Variants in GALM observed in about 807,000 individuals in gnomAD.
GALM encodes the protein aldose 1-epimerase.
GALM carries 43 observed loss-of-function variants against 37.4 expected under a neutral mutation model. That is an observed-to-expected ratio of 1.15 (90% CI 0.90 to 1.48). The LOEUF is 1.48. GALM is among the 40% of genes most tolerant of loss of function. The pLI is 0.00. For synonymous variants in GALM, 199 were observed against 170.6 expected (o/e 1.17, Z -1.30); for missense variants, 456 against 419.1 (o/e 1.09, Z -0.77).
At chr2:38,669,425 C>G (rs1251086561) in intron 1 of GALM, 1 of 152,216 alleles carries the variant, frequency 6.6e-6, no homozygotes, top group African/African-American at 2.4e-5. Flanking sequence ...GTCGTAAGCC[C>G]TTAAAAGGGA....
intron 4 of GALM, among the ~76,000 whole-genome samples, chr2:38,711,306 C>T (rs376807526): frequency 8.5e-5 from 13 of 152,142 alleles, no homozygotes; most frequent in African/African-American, 2.9e-4. Context: ...ATTACAGGCG[C>T]GCACCACCAC....
At position 38,733,723 on chromosome 2, in the gene GALM, T is replaced by C; in HGVS notation, c.*158T>C. 1 of 652,032 alleles carries C rather than the reference T, an allele frequency of 1.5e-6. No homozygotes were observed. The highest frequency in any genetic ancestry group is 2.8e-6 in the Non-Finnish European group (1 of 357,604). The allele number at this position is 652,032 out of a possible 1,614,324, so 40.4% of individuals were successfully genotyped here. Reference sequence around the variant, plus strand: ...GAATCAGTCTGGGTATTGATTTCCTTTTCCAGTGACTGGCTCCAGGCCATG... The same window carrying C: ...GAATCAGTCTGGGTATTGATTTCCTCTTCCAGTGACTGGCTCCAGGCCATG... On this transcript the variant is annotated 3_prime_UTR_variant, in exon 7 of 7. Coordinates refer to ENST00000272252, the MANE Select transcript of GALM (RefSeq NM_138801.3).
At chr2:38,670,776 T>C (rs927540484) in intron 1 of GALM, among the ~76,000 whole-genome samples, 1 of 152,224 alleles carries the variant, frequency 6.6e-6, no homozygotes, top group Admixed American at 6.5e-5. Flanking sequence ...CTGCAAAAAA[T>C]GGCATGGAGA....
At chr2:38,679,222 A>G (rs1441869808) in intron 2 of GALM, among the ~76,000 whole-genome samples, 1 of 152,116 alleles carries the variant, frequency 6.6e-6, no homozygotes, top group Non-Finnish European at 1.5e-5. Context: ...CTTGACCTCA[A>G]GTGATCTGCC....
intron 4 of GALM, among the ~76,000 whole-genome samples, chr2:38,708,769 T>C: frequency 6.6e-6 from 1 of 150,962 alleles, no homozygotes; most frequent in Admixed American, 6.6e-5. Context: ...GTCAACAAGC[T>C]GTGACAAAGA....
chr2:38,728,120 G>C (rs867980492), intron 4 of GALM, among the ~76,000 whole-genome samples: 1 of 142,798 alleles, frequency 7.0e-6, no homozygotes, highest in Non-Finnish European at 1.6e-5. Flanking sequence ...TAGGCCAGGA[G>C]TGGTGGCTCA....
At position 38,731,759 on chromosome 2, in the gene GALM, G is replaced by A. The variant is rs1558599849; in HGVS notation, c.801G>A (p.Arg267=). 1.9e-6 allele frequency: 3 copies of A among 1,613,942 alleles called. No individual in the cohort carries two copies. The African/African-American group carries it at 4.0e-5, about 22-fold the overall frequency. ...CARVHHAASG[R]VLEVYTTQPG... The stretch of plus-strand genomic sequence containing the variant: ...GGGTGCATCATGCTGCAAGCGGGCG[G>A]GTACTAGAAGTATACACCACCCAGC... Residue 267 remains arginine, a synonymous_variant, in exon 6 of 7, where the codon CGG becomes CGA. Coordinates refer to ENST00000272252, the MANE Select transcript of GALM (RefSeq NM_138801.3).
intron 2 of GALM, among the ~76,000 whole-genome samples, chr2:38,678,982 C>CTTTA (rs3084494): frequency 0.02 from 3,087 of 152,042 alleles, 116 homozygotes; most frequent in African/African-American, 0.071. Context: ...ACATGTATAA[C>CTTTA]TTTATTTATT....
rs1434349249 is a variant in GALM at position 38,675,518 on chromosome 2, GTTTTTTTGT to G, written c.191-386_191-378del. Among the ~76,000 whole-genome samples the G allele has an allele frequency of 2.1e-4, 22 of 104,976 alleles. 1 individual carries two copies. The highest frequency in any genetic ancestry group is 9.5e-4 in the African/African-American group (21 of 22,196). The allele number at this position is 104,976 out of a possible 152,430, so 68.9% of individuals were successfully genotyped here. On this transcript the variant is annotated intron_variant, in intron 1 of 6. Coordinates refer to ENST00000272252, the MANE Select transcript of GALM (RefSeq NM_138801.3). ...CATGCAACACACCTTTGGATTGAGG[GTTTTTTTGT>G]TTTTTTTTTTTTTTTTTGTGTGTGT...
At chr2:38,692,856 A>C (rs2148437666) in intron 4 of GALM, among the ~76,000 whole-genome samples, 1 of 152,334 alleles carries the variant, frequency 6.6e-6, no homozygotes, top group East Asian at 1.9e-4. Flanking sequence ...AAGGTGTTCC[A>C]GATAAAGATG....
chr2:38,715,906 C>T (rs1161597539), intron 4 of GALM, among the ~76,000 whole-genome samples: 3 of 152,138 alleles, frequency 2.0e-5, no homozygotes, highest in Non-Finnish European at 2.9e-5. Flanking sequence ...TCTCGTTATC[C>T]CCATTTTACA....
intron 3 of GALM, among the ~76,000 whole-genome samples, chr2:38,682,885 A>G (rs1281855264): frequency 6.6e-6 from 1 of 150,980 alleles, no homozygotes; most frequent in Non-Finnish European, 1.5e-5. Flanking sequence ...AACAAGAGTG[A>G]AACTCCGTCT....
At chr2:38,722,412 G>A (rs534039307) in intron 4 of GALM, among the ~76,000 whole-genome samples, 192 of 152,270 alleles carry the variant, frequency 1.3e-3, no homozygotes, top group African/African-American at 4.3e-3. Flanking sequence ...CTGAAATAGG[G>A]CATGGGCTGC....
Position 38,676,262 on chromosome 2 carries a change from C to T in GALM, c.345+196C>T, listed in dbSNP as rs147621913. Among the ~76,000 whole-genome samples, 558 of 152,184 alleles carry T rather than the reference C, an allele frequency of 3.7e-3. 1 individual carries two copies. The highest frequency in any genetic ancestry group is 0.013 in the African/African-American group (527 of 41,500). ...TCTCTAGTTCATCTGTTGGAACAGA[C>T]AGGGGAGCCCCAAGAGAAAGGATGT... On this transcript the variant is annotated intron_variant, in intron 2 of 6. Coordinates refer to ENST00000272252, the MANE Select transcript of GALM (RefSeq NM_138801.3).
intron 4 of GALM, among the ~76,000 whole-genome samples, chr2:38,701,563 T>C (rs1428764808): frequency 1.3e-5 from 2 of 152,202 alleles, no homozygotes; most frequent in Non-Finnish European, 2.9e-5. Flanking sequence ...AAGCTTATTC[T>C]AAAATTACAT....
chr2:38,666,412 G>T (rs1442038988), intron 1 of GALM, 61 bp downstream of exon 1: 4 of 1,282,416 alleles, frequency 3.1e-6, no homozygotes, highest in Middle Eastern at 2.6e-4. Context: ...ATACCTCCCG[G>T]ATCTAGCGGG....
At chr2:38,700,656 G>A (rs1665899365) in intron 4 of GALM, among the ~76,000 whole-genome samples, 1 of 152,056 alleles carries the variant, frequency 6.6e-6, no homozygotes, top group Admixed American at 6.6e-5. Context: ...CCGTAGTTGG[G>A]CCATGTTTTT....
At chr2:38,690,270 G>C (rs1311276473) in intron 4 of GALM, among the ~76,000 whole-genome samples, 1 of 152,004 alleles carries the variant, frequency 6.6e-6, no homozygotes, top group African/African-American at 2.4e-5. Context: ...CCAGGAGTTT[G>C]AGATCAGCCT....
At chr2:38,676,128 C>T (rs1665254491) in intron 2 of GALM, 62 bp downstream of exon 2, 3 of 1,537,328 alleles carry the variant, frequency 2.0e-6, no homozygotes, top group Non-Finnish European at 2.7e-6. Context: ...CTTCTGCTTG[C>T]CAGGCACAGT....
Sources: gnomAD v4.1 joint callset for allele counts (sites outside exome capture counted in the v4.1 genomes callset) on GRCh38, gnomAD v4.1.1 for gene constraint, MANE v1.5 for transcripts, NCBI Gene and HGNC (gene_info 2026-07-23, HGNC 2026-07-21) for gene names.